The following BCL2L12 variants were observed in gnomAD, a reference collection of about 807,000 sequenced individuals.
BCL2L12 encodes the protein BCL2 like 12.
In BCL2L12, 27 loss-of-function variants were observed where a neutral mutation model predicts 25.7. The observed-to-expected ratio is 1.05, with a 90% CI of 0.78 to 1.45. The LOEUF is 1.45. BCL2L12 is among the 40% of genes most tolerant of loss of function. BCL2L12 has a pLI of 0.00. For missense variants in BCL2L12, 302 were observed against 329.8 expected (o/e 0.92, Z 0.65); for synonymous variants, 132 against 145.6 (o/e 0.91, Z 0.67).
In BCL2L12 at chr19:49,668,233, T is replaced by C. The variant is rs529856982; in HGVS notation, c.251-618T>C. On this transcript the variant is annotated intron_variant, in intron 3 of 6. Transcript: ENST00000246784. ...GCCTCAGCCTCCCAAGTAGCTGGGA[T>C]TATAGGCATGCGCCACCATGCCCGG... Among the ~76,000 whole-genome samples, 16 of 152,012 alleles carry C rather than the reference T, an allele frequency of 1.1e-4. No homozygotes were observed. In the South Asian group the frequency reaches 3.1e-3, roughly 30 times the overall value.
chr19:49,670,527 CCTAA>C (rs1182406198), intron 6 of BCL2L12, 39 bp downstream of exon 6: 10 of 1,528,180 alleles, frequency 6.5e-6, no homozygotes, highest in South Asian at 3.7e-5. Flanking sequence ...CCTCACTTTA[CCTAA>C]CTGTCATGTG....
At chr19:49,669,299 G>A in intron 5 of BCL2L12, 184 bp downstream of exon 5, 4 of 1,213,364 alleles carry the variant, frequency 3.3e-6, no homozygotes, top group South Asian at 1.6e-5. Flanking sequence ...ACTTTGGGAG[G>A]CCGAGTTGGG....
rs1318971299 is a variant in BCL2L12 at position 49,673,881 on chromosome 19, G to A, written c.*133G>A. ...TACCTGTTTTTGCCAAAAATAAATT[G>A]TTTAAAACTTTTCTTATTAAAAACG... On this transcript the variant is annotated 3_prime_UTR_variant, in exon 7 of 7. Transcript: ENST00000246784. 3.1e-6 allele frequency: 3 copies of A among 967,236 alleles called. No individual in the cohort carries two copies. Among genetic ancestry groups the A allele is most frequent in the Non-Finnish European group, 4.6e-6 (3 of 653,094 alleles). The allele number at this position is 967,236 out of a possible 1,614,324, so 59.9% of individuals were successfully genotyped here.
chr19:49,669,279 TA>T, intron 5 of BCL2L12, 164 bp downstream of exon 5: 1 of 1,370,202 alleles, frequency 7.3e-7, no homozygotes, highest in East Asian at 2.6e-5. Flanking sequence ...CTCACGCCTG[TA>T]ATCCCAGCAC....
At chr19:49,666,637 C>A in intron 1 of BCL2L12, 48 bp from the exon 2 acceptor site, 1 of 1,439,780 alleles carries the variant, frequency 6.9e-7, no homozygotes, top group Non-Finnish European at 9.4e-7. Flanking sequence ...CAAGCCTCCA[C>A]TTCTTGCTAA....
upstream of BCL2L12, chr19:49,665,826 G>T (rs760672189): frequency 3.1e-6 from 5 of 1,588,146 alleles, no homozygotes; most frequent in South Asian, 5.5e-5. Flanking sequence ...AAAAGCCGAT[G>T]GGACGGCCCG....
chr19:49,668,033 G>T (rs1345181521), intron 3 of BCL2L12, among the ~76,000 whole-genome samples: 1 of 151,712 alleles, frequency 6.6e-6, no homozygotes, highest in Non-Finnish European at 1.5e-5. Context: ...TCCCACGTCG[G>T]CCTCCCAAAA....
chr19:49,670,186 G>C, intron 5 of BCL2L12, 30 bp from the exon 6 acceptor site: 7 of 1,591,638 alleles, frequency 4.4e-6, no homozygotes, highest in Non-Finnish European at 6.0e-6. Context: ...GGGCGCTGCT[G>C]ACGCGGACCC....
chr19:49,667,338 C>T (rs1568475410), intron 3 of BCL2L12, among the ~76,000 whole-genome samples, 177 bp downstream of exon 3: 1 of 152,176 alleles, frequency 6.6e-6, no homozygotes, highest in Non-Finnish European at 1.5e-5. Flanking sequence ...GGTTGGCTTT[C>T]AGAGAGCATT....
In BCL2L12 at chr19:49,672,508, C is replaced by T. The variant is rs2122880996; in HGVS notation, c.703-1190C>T. Among the ~76,000 whole-genome samples, 2 of 152,272 alleles carry T rather than the reference C, an allele frequency of 1.3e-5. No homozygotes were observed. The highest frequency in any genetic ancestry group is 2.4e-5 in the African/African-American group (1 of 41,562). On this transcript the variant is annotated intron_variant, in intron 6 of 6. Transcript: ENST00000246784. This position sits in a 1 kb window ranked among gnomAD's most constrained non-coding sequence, Gnocchi z 4.1. ...GCGCTGATTTAGGCGCTAATGGGCG[C>T]CCTCTGGCGGCTGCCTGGGGACAGA...
At chr19:49,666,138 C>T in intron 1 of BCL2L12, 71 bp downstream of exon 1, 1 of 1,483,402 alleles carries the variant, frequency 6.7e-7, no homozygotes, top group Non-Finnish European at 9.0e-7. Flanking sequence ...TGGTGGGCAC[C>T]CCAGTCCCGC....
Position 49,670,454 on chromosome 19 carries a change from G to C in BCL2L12, c.668G>C (p.Ser223Thr), listed in dbSNP as rs901582987. 5.2e-6 allele frequency: 8 copies of C among 1,537,800 alleles called. No individual in the cohort carries two copies. The highest frequency in any genetic ancestry group is 7.0e-6 in the Non-Finnish European group (8 of 1,145,182). ...GGACTCAGCGTGGAGCACGTGCACA[G>C]CTTCACGCCCTGGATCCAGGCCCAC... The part of the protein sequence containing the change: ...LAGLSVEHVH[S>T]FTPWIQAHGG... The change falls in exon 6 of 7, where the codon AGC (serine) becomes ACC (threonine). Residue 223 changes from serine to threonine, a missense_variant. Transcript: ENST00000246784.
chr19:49,668,559 T>C (rs1050263559), intron 3 of BCL2L12, among the ~76,000 whole-genome samples: 2 of 151,948 alleles, frequency 1.3e-5, no homozygotes, highest in African/African-American at 4.8e-5. Flanking sequence ...ATCCTAGCAC[T>C]TTGGGAGGCT....
chr19:49,668,713 C>T, intron 3 of BCL2L12, 138 bp from the exon 4 acceptor site: 2 of 886,068 alleles, frequency 2.3e-6, no homozygotes, highest in Non-Finnish European at 3.4e-6. Flanking sequence ...TTGCGAGACT[C>T]CGTTTCCCAA....
chr19:49,670,202 C>G lies in BCL2L12; in HGVS notation c.430-14C>G. The G allele has an allele frequency of 1.2e-6, 2 of 1,600,134 alleles. No individual in the cohort carries two copies. Among genetic ancestry groups the G allele is most frequent in the Non-Finnish European group, 1.7e-6 (2 of 1,178,616 alleles). ...GGCGCTGCTGACGCGGACCCTGCCT[C>G]TTCCACCCTACAGCTGGCCTCGGAC... On this transcript the variant is annotated splice_polypyrimidine_tract_variant and intron_variant, in intron 5 of 6. Transcript: ENST00000246784.
chr19:49,670,214 A>G lies in BCL2L12; in HGVS notation c.430-2A>G. On this transcript the variant is annotated splice_acceptor_variant, in intron 5 of 6. Coordinates refer to ENST00000246784, the MANE Select transcript of BCL2L12 (RefSeq NM_138639.2). LOFTEE classifies it high-confidence loss of function. Reference sequence around the variant, plus strand: ...GCGGACCCTGCCTCTTCCACCCTACAGCTGGCCTCGGACCCCGCCCTGCGC... The same window carrying G: ...GCGGACCCTGCCTCTTCCACCCTACGGCTGGCCTCGGACCCCGCCCTGCGC... The G allele has an allele frequency of 2.5e-6, 4 of 1,603,234 alleles. No individual in the cohort carries two copies. The highest frequency in any genetic ancestry group is 3.4e-6 in the Non-Finnish European group (4 of 1,178,986).
chr19:49,669,748 A>G (rs752294240), intron 5 of BCL2L12, among the ~76,000 whole-genome samples: 2 of 151,930 alleles, frequency 1.3e-5, no homozygotes, highest in Non-Finnish European at 2.9e-5. Flanking sequence ...AATCTTACTG[A>G]GCATAGAAGG....
rs982797312 is a variant in BCL2L12 at position 49,673,637 on chromosome 19, C to G, written c.703-61C>G. 2.9e-6 allele frequency: 4 copies of G among 1,381,198 alleles called. No individual in the cohort carries two copies. In the African/African-American group the frequency reaches 5.7e-5, roughly 20 times the overall value. The allele number at this position is 1,381,198 out of a possible 1,614,324, so 85.6% of individuals were successfully genotyped here. A position where few individuals can be genotyped will look rare whatever the true frequency, so the allele number is the denominator to read the frequency against. ...TCTAATCTCACAGGGCTGATGTGGACGCTGCTGTATGGGGGGAACACCTGC... is the reference window on the plus strand; with the variant it reads ...TCTAATCTCACAGGGCTGATGTGGAGGCTGCTGTATGGGGGGAACACCTGC... On this transcript the variant is annotated intron_variant, in intron 6 of 6. Coordinates refer to ENST00000246784, the MANE Select transcript of BCL2L12 (RefSeq NM_138639.2).
Position 49,673,280 on chromosome 19 carries a change from C to T in BCL2L12, c.703-418C>T, listed in dbSNP as rs1049276940. ...ATCCCATTTAAACCCACTACAACCT[C>T]ATGGGGCTCTTATTGTCCTCGTCTT... On this transcript the variant is annotated intron_variant, in intron 6 of 6. Transcript: ENST00000246784. Among the ~76,000 whole-genome samples, 67 of 152,186 alleles carry T rather than the reference C, an allele frequency of 4.4e-4. 1 individual carries two copies. The highest frequency in any genetic ancestry group is 1.6e-3 in the African/African-American group (67 of 41,534).
Sources: gnomAD v4.1 joint callset for allele counts (sites outside exome capture counted in the v4.1 genomes callset) on GRCh38, gnomAD v4.1.1 for gene constraint, Gnocchi (gnomAD v3.1) non-coding constraint, MANE v1.5 for transcripts, NCBI Gene and HGNC (gene_info 2026-07-23, HGNC 2026-07-21) for gene names.